The following RNF217 variants were observed in gnomAD, a reference collection of about 807,000 sequenced individuals.
RNF217 encodes ring finger protein 217.
In RNF217, 31 loss-of-function variants were observed where a neutral mutation model predicts 57.8. That is an observed-to-expected ratio of 0.54 (90% CI 0.40 to 0.72). The LOEUF (loss-of-function observed/expected upper bound fraction) is 0.72. RNF217 is among the 30% of genes least tolerant of loss of function. RNF217 has a pLI of 0.00. For missense variants in RNF217, 696 were observed against 708.3 expected (o/e 0.98, Z 0.20); for synonymous variants, 313 against 294.0 (o/e 1.06, Z -0.66).
chr6:125,001,111 T>G (rs994076320), intron 1 of RNF217, among the ~76,000 whole-genome samples: 1 of 152,210 alleles, frequency 6.6e-6, no homozygotes, highest in African/African-American at 2.4e-5. Context: ...ATTTTTCTAT[T>G]GATTAATACC....
At position 125,045,402 on chromosome 6, in the gene RNF217, A is replaced by G. The variant is rs767552906; in HGVS notation, c.1074A>G (p.Lys358=). The part of the protein sequence containing the change: ...QCKHFTTFKK[K]GHIPTPSRSE... ...AGCACTTTACAACCTTCAAGAAAAA[A>G]GGACATATTCCCACCCCTTCCAGAT... Residue 358 remains lysine, a synonymous_variant, in exon 2 of 6, where the codon AAA becomes AAG. Transcript: ENST00000521654. 3.7e-6 allele frequency: 6 copies of G among 1,613,274 alleles called. No individual in the cohort carries two copies. In the East Asian group the frequency reaches 1.3e-4, roughly 36 times the overall value.
chr6:125,045,224 A>G lies in RNF217; in HGVS notation c.896A>G (p.Gln299Arg), dbSNP rs762528331. The G allele has an allele frequency of 1.5e-5, 24 of 1,612,268 alleles. No homozygotes were observed. In the South Asian group the frequency reaches 2.6e-4, roughly 18 times the overall value. The part of the protein sequence containing the change: ...VYLSAQVQLG[Q>R]VEIKCPITEC... Reference sequence around the variant, plus strand: ...TCCATCATGCAGGTACAACTTGGCCAAGTAGAAATCAAATGCCCCATCACA... The same window carrying G: ...TCCATCATGCAGGTACAACTTGGCCGAGTAGAAATCAAATGCCCCATCACA... The change falls in exon 2 of 6, where the codon CAA becomes CGA. Residue 299 changes from glutamine (Q) to arginine (R), a missense_variant. By Grantham distance (43) the Gln-to-Arg change is conservative (BLOSUM62 1). Transcript: ENST00000521654.
chr6:124,972,288 C>G (rs954629970), intron 1 of RNF217, among the ~76,000 whole-genome samples: 2 of 152,126 alleles, frequency 1.3e-5, no homozygotes, highest in African/African-American at 4.8e-5. Context: ...TCTACTGATT[C>G]TATTTCTGCT....
intron 2 of RNF217, chr6:125,046,660 A>T: frequency 2.2e-6 from 1 of 456,014 alleles, no homozygotes; most frequent in Non-Finnish European, 4.4e-6. Context: ...TCTCCATTTA[A>T]GGTAAGTTTC....
At chr6:125,011,313 G>T (rs1468785059) in intron 1 of RNF217, among the ~76,000 whole-genome samples, 1 of 152,078 alleles carries the variant, frequency 6.6e-6, no homozygotes, top group Non-Finnish European at 1.5e-5. Flanking sequence ...TTATGTATTT[G>T]CTATGTGCCA....
Position 125,083,676 on chromosome 6 carries a change from A to T in RNF217, c.*739A>T, listed in dbSNP as rs1788683672. 1 of 152,066 alleles carries T rather than the reference A, an allele frequency of 6.6e-6. No homozygotes were observed. Among genetic ancestry groups the T allele is most frequent in the South Asian group, 2.1e-4 (1 of 4,832 alleles). 9.4% of individuals were successfully genotyped at this position (152,066 alleles called of 1,614,324 possible). ...TTGAAAGATGATGGCTCCTTTGTGG[A>T]CATAATTTAGCAATGTATTAAATTA... is the stretch of plus-strand genomic sequence containing the variant. On this transcript the variant is annotated 3_prime_UTR_variant, in exon 6 of 6. Transcript: ENST00000521654.
rs139664635 is a variant in RNF217, at chr6:124,990,863, G to A, written c.882+27437G>A. ...GAGGATTACTTGAGGCCAGGAGTTC[G>A]AGACCAGCCTGAGCAACAAAGCAAG... On this transcript the variant is annotated intron_variant, in intron 1 of 5. Coordinates refer to ENST00000521654, the MANE Select transcript of RNF217 (RefSeq NM_001286398.3). 1.5e-4 allele frequency among the ~76,000 whole-genome samples: 23 copies of A among 152,214 alleles called. No individual in the cohort carries two copies. The East Asian group carries it at 4.1e-3, about 27-fold the overall frequency.
At chr6:125,059,945 T>G (rs1327009797) in intron 3 of RNF217, among the ~76,000 whole-genome samples, 1 of 152,172 alleles carries the variant, frequency 6.6e-6, no homozygotes, top group East Asian at 1.9e-4. Context: ...GGGATTTGGG[T>G]TCTGTGAAGT....
At chr6:125,025,484 C>G (rs891982108) in intron 1 of RNF217, among the ~76,000 whole-genome samples, 1 of 150,226 alleles carries the variant, frequency 6.7e-6, no homozygotes, top group African/African-American at 2.5e-5. Flanking sequence ...AATAATCATC[C>G]TAGAAATTTT....
chr6:125,025,497 A>G (rs1786039438), intron 1 of RNF217, among the ~76,000 whole-genome samples: 1 of 151,750 alleles, frequency 6.6e-6, no homozygotes, highest in African/African-American at 2.4e-5. Context: ...GAAATTTTGC[A>G]AAGTCCTGCT....
chr6:124,985,583 T>C (rs1784339802), intron 1 of RNF217, among the ~76,000 whole-genome samples: 1 of 152,198 alleles, frequency 6.6e-6, no homozygotes, highest in Non-Finnish European at 1.5e-5. Flanking sequence ...TAACATGATA[T>C]ATGTATTGAA....
chr6:125,028,477 A>G (rs1157946386), intron 1 of RNF217, among the ~76,000 whole-genome samples: 1 of 152,112 alleles, frequency 6.6e-6, no homozygotes, highest in Non-Finnish European at 1.5e-5. Flanking sequence ...ATATTTTGGA[A>G]CTATACTGAA....
intron 5 of RNF217, 107 bp from the exon 6 acceptor site, chr6:125,082,757 C>T: frequency 8.8e-7 from 1 of 1,140,684 alleles, no homozygotes; most frequent in Non-Finnish European, 1.3e-6. Context: ...TAGATGTCTT[C>T]TTCTTTGTAT....
In RNF217 at chr6:124,962,965, G is replaced by T; in HGVS notation, c.421G>T (p.Ala141Ser). 1 of 1,596,514 alleles carries T rather than the reference G, an allele frequency of 6.3e-7. No individual in the cohort carries two copies. Among genetic ancestry groups the T allele is most frequent in the Non-Finnish European group, 8.5e-7 (1 of 1,179,142 alleles). Residue 141 changes from alanine (A) to serine (S), a missense_variant, in exon 1 of 6, where the codon GCC becomes TCC. This residue lies in a region of RNF217 where 465 missense variants were observed against 386.8 expected (regional missense o/e 1.20). Transcript: ENST00000521654. The surrounding 1 kb of genome is among the most constrained non-coding windows in gnomAD (Gnocchi z 4.6). ...GCTGGAGCCCAGGACCCGCGTGGGG[G>T]CCGCCGACGGACTGGTCCTGGACGT... The part of the protein sequence containing the change: ...EELEPRTRVG[A>S]ADGLVLDVLG...
At chr6:125,075,819 A>T (rs1417196082) in intron 3 of RNF217, among the ~76,000 whole-genome samples, 1 of 152,142 alleles carries the variant, frequency 6.6e-6, no homozygotes, top group Non-Finnish European at 1.5e-5. Context: ...GAGGATTCTG[A>T]GTTGAGTTTC....
At chr6:124,971,913 T>A (rs1034081725) in intron 1 of RNF217, among the ~76,000 whole-genome samples, 5 of 152,194 alleles carry the variant, frequency 3.3e-5, no homozygotes, top group Admixed American at 2.0e-4. Flanking sequence ...TGTATACTGT[T>A]AGTGGGGCCA....
chr6:125,045,775 A>AT (rs1020282952), intron 2 of RNF217, among the ~76,000 whole-genome samples: 207 of 151,408 alleles, frequency 1.4e-3, no homozygotes, highest in African/African-American at 4.5e-3. Flanking sequence ...TATGGACTTG[A>AT]TTTTTTTTTC....
At chr6:125,069,858 A>AT (rs199994295) in intron 3 of RNF217, among the ~76,000 whole-genome samples, 16,744 of 151,532 alleles carry the variant, frequency 0.11, 977 homozygotes, top group African/African-American at 0.12. Flanking sequence ...ATCTCAGGGG[A>AT]TTTTTTTTAT....
intron 1 of RNF217, among the ~76,000 whole-genome samples, chr6:125,033,100 T>C (rs1461429961): frequency 6.6e-6 from 1 of 151,386 alleles, no homozygotes; most frequent in Non-Finnish European, 1.5e-5. Flanking sequence ...ACTATTTTTC[T>C]TTTTTTTTCT....
Sources: allele counts gnomAD v4.1 joint callset (sites outside exome capture counted in the v4.1 genomes callset), GRCh38; gene constraint gnomAD v4.1.1; regional missense constraint gnomAD v4.1.1; non-coding constraint Gnocchi (gnomAD v3.1); transcripts MANE v1.5; gene names NCBI Gene and HGNC (gene_info 2026-07-23, HGNC 2026-07-21).